The following AKR1C3 variants were observed in gnomAD, a reference collection of about 807,000 sequenced individuals.
The protein encoded by AKR1C3 is aldo-keto reductase family 1 member C3.
AKR1C3 carries 48 observed loss-of-function variants against 43.6 expected under a neutral mutation model. The observed-to-expected ratio is 1.10, with a 90% CI of 0.87 to 1.40. AKR1C3 has a LOEUF of 1.40. AKR1C3 is among the 40% of genes most tolerant of loss of function. AKR1C3 has a pLI of 0.00. For synonymous variants in AKR1C3, 162 were observed against 139.6 expected (o/e 1.16, Z -1.13); for missense variants, 482 against 391.2 (o/e 1.23, Z -1.96).
intron 1 of AKR1C3, among the ~76,000 whole-genome samples, chr10:5,060,772 G>A (rs1554780146): frequency 1.5e-5 from 2 of 136,478 alleles, no homozygotes; most frequent in Non-Finnish European, 3.2e-5. Flanking sequence ...GGCTGCACAG[G>A]AGCCCACAGA....
chr10:5,073,155 G>A (rs1038340439), intron 1 of AKR1C3, among the ~76,000 whole-genome samples: 16 of 152,004 alleles, frequency 1.1e-4, no homozygotes, highest in African/African-American at 3.6e-4. Flanking sequence ...GTAGAGATGT[G>A]ATTTCACCAT....
In AKR1C3 at chr10:5,107,338, G is replaced by T. The variant is rs182093511; in HGVS notation, c.930-123G>T. 14 of 690,474 alleles carry T rather than the reference G, an allele frequency of 2.0e-5. No individual in the cohort carries two copies. The African/African-American group carries it at 2.2e-4, about 11-fold the overall frequency. 42.8% of individuals were successfully genotyped at this position (690,474 alleles called of 1,614,324 possible). A position where few individuals can be genotyped will look rare whatever the true frequency, so the allele number is the denominator to read the frequency against. On this transcript the variant is annotated intron_variant, in intron 8 of 8. Coordinates refer to ENST00000380554, the MANE Select transcript of AKR1C3 (RefSeq NM_003739.6). Reference sequence around the variant, plus strand: ...AGCCATGTTCATAAAGGTAAGAAAGGCAGATTCTACAACTAGTCAGACAAC... The same window carrying T: ...AGCCATGTTCATAAAGGTAAGAAAGTCAGATTCTACAACTAGTCAGACAAC...
intron 1 of AKR1C3, among the ~76,000 whole-genome samples, chr10:5,094,987 G>A (rs1174740069): frequency 1.3e-5 from 2 of 152,044 alleles, no homozygotes; most frequent in Non-Finnish European, 2.9e-5. Flanking sequence ...TCTGATGGGC[G>A]GCAGTGAGTG....
upstream of AKR1C3, among the ~76,000 whole-genome samples, chr10:5,089,891 C>T (rs953638005): frequency 2.0e-5 from 3 of 152,028 alleles, no homozygotes; most frequent in African/African-American, 4.8e-5. Context: ...ACATTCATTC[C>T]GATGGAATTC....
chr10:5,097,717 T>C, intron 3 of AKR1C3, 167 bp downstream of exon 3: 1 of 1,446,468 alleles, frequency 6.9e-7, no homozygotes, highest in Non-Finnish European at 9.1e-7. Context: ...AAATTTTGAA[T>C]CCTACTTCTC....
At chr10:5,059,071 T>G (rs1162176485) in intron 1 of AKR1C3, among the ~76,000 whole-genome samples, 1 of 152,140 alleles carries the variant, frequency 6.6e-6, no homozygotes, top group African/African-American at 2.4e-5. Context: ...TTTCTGAGGC[T>G]CCCCACATCC....
At chr10:5,098,225 C>T (rs1458640299) in intron 3 of AKR1C3, 1 of 966,656 alleles carries the variant, frequency 1.0e-6, no homozygotes, top group Non-Finnish European at 1.2e-6. Flanking sequence ...AAAAATGTAT[C>T]ATTTGTCTAT....
intron 1 of AKR1C3, among the ~76,000 whole-genome samples, chr10:5,073,604 A>G (rs1838654142): frequency 6.6e-6 from 1 of 152,184 alleles, no homozygotes; most frequent in East Asian, 1.9e-4. Context: ...TCACAGAACC[A>G]TATGAAGAAT....
intron 1 of AKR1C3, among the ~76,000 whole-genome samples, chr10:5,073,542 C>T (rs983322417): frequency 1.1e-4 from 17 of 152,122 alleles, no homozygotes; most frequent in Non-Finnish European, 2.4e-4. Context: ...ACATGGACCC[C>T]CTTTCTCTCT....
intron 7 of AKR1C3, among the ~76,000 whole-genome samples, chr10:5,103,939 GAT>G (rs1214499390): frequency 5.3e-5 from 8 of 151,760 alleles, no homozygotes; most frequent in South Asian, 4.2e-4. Flanking sequence ...ATGATAGATT[GAT>G]ATATATATTA....
intron 3 of AKR1C3, among the ~76,000 whole-genome samples, chr10:5,098,429 G>C (rs1246865430): frequency 6.6e-6 from 1 of 152,150 alleles, no homozygotes; most frequent in Admixed American, 6.5e-5. Flanking sequence ...CAGGTGGTCT[G>C]ATAATCCTAC....
intron 1 of AKR1C3, among the ~76,000 whole-genome samples, chr10:5,075,570 A>G (rs957067670): frequency 3.9e-5 from 6 of 152,064 alleles, no homozygotes; most frequent in Non-Finnish European, 1.5e-5. Context: ...TGTCATGTGG[A>G]AAAAAGCCAT....
chr10:5,059,094 T>C (rs1476820802), intron 1 of AKR1C3, among the ~76,000 whole-genome samples: 1 of 152,182 alleles, frequency 6.6e-6, no homozygotes, highest in East Asian at 1.9e-4. Flanking sequence ...GCTTCAGGAA[T>C]AGCTTTTGTT....
Position 5,102,493 on chromosome 10 carries a change from C to T in AKR1C3, c.689C>T (p.Pro230Leu), listed in dbSNP as rs1554786233. Residue 230 changes from proline to leucine, a missense_variant, in exon 7 of 9, where the codon CCG becomes CTG. Physicochemically the swap from Pro to Leu is moderately conservative, Grantham distance 98 (BLOSUM62 -3). Transcript: ENST00000380554. The stretch of plus-strand genomic sequence containing the variant: ...TCTGCCTTTCCTTCCAGGGTGGACC[C>T]GAACTCCCCGGTGCTCTTGGAGGAC... ...GSQRDKRWVD[P>L]NSPVLLEDPV... The T allele has an allele frequency of 6.5e-6, 10 of 1,549,102 alleles. No individual in the cohort carries two copies. The highest frequency in any genetic ancestry group is 2.5e-5 in the South Asian group (2 of 79,264).
intron 1 of AKR1C3, among the ~76,000 whole-genome samples, chr10:5,075,610 C>T (rs7893254): frequency 0.31 from 46,634 of 152,020 alleles, 7,381 homozygotes; most frequent in Middle Eastern, 0.44. Flanking sequence ...CATTGTGGCT[C>T]ATGCCTGTAA....
intron 1 of AKR1C3, among the ~76,000 whole-genome samples, chr10:5,049,466 TC>T (rs1838107339): frequency 6.6e-6 from 1 of 152,170 alleles, no homozygotes; most frequent in African/African-American, 2.4e-5. Context: ...TAAAATATCC[TC>T]ATTTTAAGAG....
chr10:5,055,380 C>A lies in AKR1C3; in HGVS notation c.84+6485C>A, dbSNP rs184346284. On this transcript the variant is annotated intron_variant, in intron 1 of 8. Transcript: ENST00000439082. ...GGGGCATGCACATGCATATTTGAAG[C>A]ACCAGTCCCTCAAGGAGTAGTGCCT... Among the ~76,000 whole-genome samples the A allele has an allele frequency of 7.7e-4, 117 of 152,330 alleles. 2 individuals carry two copies. In the East Asian group the frequency reaches 0.023, roughly 29 times the overall value.
At chr10:5,081,453 T>C (rs1838836483) in intron 1 of AKR1C3, among the ~76,000 whole-genome samples, 1 of 152,174 alleles carries the variant, frequency 6.6e-6, no homozygotes, top group South Asian at 2.1e-4. Context: ...ATAAAAATAT[T>C]CCTCCAAAAT....
chr10:5,060,086 T>G (rs568173901), intron 1 of AKR1C3, among the ~76,000 whole-genome samples: 19 of 152,272 alleles, frequency 1.2e-4, no homozygotes, highest in African/African-American at 4.6e-4. Flanking sequence ...TGTTCATTCC[T>G]CCTGGTGGGT....
Sources: allele counts gnomAD v4.1 joint callset (sites outside exome capture counted in the v4.1 genomes callset), GRCh38; gene constraint gnomAD v4.1.1; transcripts MANE v1.5; gene names NCBI Gene and HGNC (gene_info 2026-07-23, HGNC 2026-07-21).